SORCS2: variants seen among roughly 807,000 people sequenced by gnomAD.
SORCS2 encodes the protein VPS10 domain-containing receptor SorCS2.
Under a neutral mutation model 141.6 loss-of-function variants are expected in SORCS2, and 100 were observed. The ratio of observed to expected loss-of-function variants is 0.71; its 90% CI spans 0.60 to 0.83. SORCS2 has a LOEUF of 0.83. SORCS2 is among the 40% of genes least tolerant of loss of function. SORCS2 has a pLI of 0.00. For missense variants in SORCS2, 1,646 were observed against 1,560.2 expected (o/e 1.05, Z -0.93); for synonymous variants, 789 against 676.9 (o/e 1.17, Z -2.57).
chr4:7,732,520 C>T (rs1188666990), intron 23 of SORCS2, among the ~76,000 whole-genome samples: 1 of 152,182 alleles, frequency 6.6e-6, no homozygotes, highest in East Asian at 1.9e-4. Flanking sequence ...CCCTCTCCAG[C>T]TATAGGTGCC....
intron 10 of SORCS2, among the ~76,000 whole-genome samples, chr4:7,683,232 G>A (rs74549909): frequency 6.7e-6 from 1 of 148,482 alleles, no homozygotes; most frequent in Non-Finnish European, 1.5e-5. Flanking sequence ...GCTGACCTTG[G>A]CTGGGATCAG....
chr4:7,202,926 C>G (rs7689935), intron 1 of SORCS2, among the ~76,000 whole-genome samples: 23,275 of 150,116 alleles, frequency 0.16, 2,088 homozygotes, highest in Middle Eastern at 0.24. Context: ...CCCCTATCTA[C>G]GTGCCGGATG....
At chr4:7,415,053 A>C (rs543366391) in intron 2 of SORCS2, among the ~76,000 whole-genome samples, 28 of 152,328 alleles carry the variant, frequency 1.8e-4, no homozygotes, top group Non-Finnish European at 2.4e-4. Context: ...GACAAGCAGG[A>C]CAAAATTCAA....
chr4:7,581,767 A>G (rs1353385203), intron 3 of SORCS2, among the ~76,000 whole-genome samples: 1 of 152,204 alleles, frequency 6.6e-6, no homozygotes, highest in African/African-American at 2.4e-5. Flanking sequence ...TCTTGCTGCC[A>G]GAAACCCGTC....
intron 5 of SORCS2, among the ~76,000 whole-genome samples, chr4:7,655,519 G>A (rs1721708632): frequency 6.6e-6 from 1 of 152,260 alleles, no homozygotes; most frequent in Non-Finnish European, 1.5e-5. Context: ...ACCGTGGCAG[G>A]AGACTGGCGT....
At chr4:7,485,916 C>G (rs916528797) in intron 2 of SORCS2, among the ~76,000 whole-genome samples, 1 of 152,172 alleles carries the variant, frequency 6.6e-6, no homozygotes, top group African/African-American at 2.4e-5. Flanking sequence ...CATGGGGCTT[C>G]CTCTGTGCTG....
At chr4:7,334,199 C>A (rs2108973282) in intron 1 of SORCS2, among the ~76,000 whole-genome samples, 1 of 152,308 alleles carries the variant, frequency 6.6e-6, no homozygotes, top group East Asian at 1.9e-4. Flanking sequence ...GGGTGCAGGG[C>A]TGGGCCTGGC....
chr4:7,325,921 C>T (rs7676476), intron 1 of SORCS2, among the ~76,000 whole-genome samples: 98,509 of 151,496 alleles, frequency 0.65, 33,705 homozygotes, highest in Non-Finnish European at 0.77. Context: ...GGTTGGTACG[C>T]GGTACAGGGG....
At chr4:7,720,050 CACAA>C (rs752116851) in intron 18 of SORCS2, among the ~76,000 whole-genome samples, 16 of 152,176 alleles carry the variant, frequency 1.1e-4, no homozygotes, top group Non-Finnish European at 2.1e-4. Context: ...CACACATACA[CACAA>C]ACACACAGAC....
At chr4:7,709,957 A>G (rs1725716929) in intron 14 of SORCS2, among the ~76,000 whole-genome samples, 1 of 152,166 alleles carries the variant, frequency 6.6e-6, no homozygotes, top group Non-Finnish European at 1.5e-5. Flanking sequence ...CCTGCAAAGT[A>G]ATATCTAGAC....
At chr4:7,412,184 G>T (rs1435038731) in intron 2 of SORCS2, among the ~76,000 whole-genome samples, 1 of 152,192 alleles carries the variant, frequency 6.6e-6, no homozygotes, top group African/African-American at 2.4e-5. Flanking sequence ...GCCCATCGGG[G>T]CTCACCCTGG....
intron 1 of SORCS2, among the ~76,000 whole-genome samples, chr4:7,388,023 C>CGG: frequency 8.1e-6 from 1 of 122,844 alleles, no homozygotes. Flanking sequence ...TACAGATACA[C>CGG]AGATACGCAC....
chr4:7,234,563 C>T (rs1278962279), intron 1 of SORCS2, among the ~76,000 whole-genome samples: 5 of 152,222 alleles, frequency 3.3e-5, no homozygotes, highest in South Asian at 2.1e-4. Flanking sequence ...CTGATGCTCT[C>T]GCCCTTGGGT....
rs150779438 is a variant in SORCS2 at position 7,298,368 on chromosome 4, G to C, written c.481-97920G>C. On this transcript the variant is annotated intron_variant, in intron 1 of 26. Transcript: ENST00000507866. Reference sequence around the variant, plus strand: ...TGGAGGTGGGCCTTGTCTTTCCTGGGGTCTTAGTTTGGTTTCTGGAGTAAT... The same window carrying C: ...TGGAGGTGGGCCTTGTCTTTCCTGGCGTCTTAGTTTGGTTTCTGGAGTAAT... 3.6e-3 allele frequency among the ~76,000 whole-genome samples: 542 copies of C among 152,266 alleles called. 4 individuals carry two copies. Among genetic ancestry groups the C allele is most frequent in the African/African-American group, 0.013 (523 of 41,540 alleles).
intron 1 of SORCS2, among the ~76,000 whole-genome samples, chr4:7,319,841 G>T (rs1718787537): frequency 1.3e-5 from 2 of 152,250 alleles, no homozygotes; most frequent in Admixed American, 1.3e-4. Context: ...TGGACAAGTG[G>T]CTGCCCACCT....
intron 9 of SORCS2, among the ~76,000 whole-genome samples, chr4:7,678,334 G>A (rs1186695392): frequency 6.6e-6 from 1 of 151,418 alleles, no homozygotes; most frequent in Non-Finnish European, 1.5e-5. Flanking sequence ...GTCCAAAGGC[G>A]ACACCCACCG....
At chr4:7,210,234 C>A (rs1029884021) in intron 1 of SORCS2, among the ~76,000 whole-genome samples, 1 of 152,180 alleles carries the variant, frequency 6.6e-6, no homozygotes, top group African/African-American at 2.4e-5. Flanking sequence ...CCCACCCACT[C>A]ACTTCCTCTG....
In SORCS2 at chr4:7,667,726, C is replaced by T. The variant is rs976474654; in HGVS notation, c.1161+513C>T. Among the ~76,000 whole-genome samples, 8 of 152,204 alleles carry T rather than the reference C, an allele frequency of 5.3e-5. No homozygotes were observed. The East Asian group carries it at 1.3e-3, about 26-fold the overall frequency. On this transcript the variant is annotated intron_variant, in intron 8 of 26. Coordinates refer to ENST00000507866, the MANE Select transcript of SORCS2 (RefSeq NM_020777.3). Reference sequence around the variant, plus strand: ...GCATATAGTAGGTGCTCAGTTATTGCTATTGCCTTTCCCTTGCCTTAGAAG... The same window carrying T: ...GCATATAGTAGGTGCTCAGTTATTGTTATTGCCTTTCCCTTGCCTTAGAAG...
At chr4:7,411,705 GT>G (rs972822915) in intron 2 of SORCS2, among the ~76,000 whole-genome samples, 14 of 152,292 alleles carry the variant, frequency 9.2e-5, no homozygotes, top group Non-Finnish European at 1.6e-4. Context: ...AAGACTCAGA[GT>G]TTAGTAGGGG....
Sources: gnomAD v4.1 joint callset for allele counts (sites outside exome capture counted in the v4.1 genomes callset) on GRCh38, gnomAD v4.1.1 for gene constraint, MANE v1.5 for transcripts, NCBI Gene and HGNC (gene_info 2026-07-23, HGNC 2026-07-21) for gene names.